PLEKHA6: variants seen among roughly 807,000 people sequenced by gnomAD.
PLEKHA6 encodes pleckstrin homology domain-containing family A member 6.
PLEKHA6 carries 60 observed loss-of-function variants against 116.7 expected under a neutral mutation model. That is an observed-to-expected ratio of 0.51 (90% CI 0.42 to 0.64). The LOEUF is 0.64. PLEKHA6 is among the 30% of genes least tolerant of loss of function. PLEKHA6 has a pLI of 0.00. For missense variants in PLEKHA6, 1,338 were observed against 1,422.7 expected (o/e 0.94, Z 0.96); for synonymous variants, 489 against 556.1 (o/e 0.88, Z 1.70).
rs1571932262 is a variant in PLEKHA6, at chr1:204,259,441, T to C, written c.824A>G (p.His275Arg). The change falls in exon 8 of 23, where the codon CAC (histidine) becomes CGC (arginine). Residue 275 changes from histidine (H) to arginine (R), a missense_variant. By Grantham distance (29) the His-to-Arg change is conservative (BLOSUM62 0). Around this residue, in one of 3 missense-constraint regions of PLEKHA6, gnomAD observed 1,136 missense variants for 1,163.6 expected, o/e 0.98. Transcript: ENST00000272203. This position sits in a 1 kb window ranked among gnomAD's most constrained non-coding sequence, Gnocchi z 4.6. Reference sequence around the variant, plus strand: ...TGTGCTCCCTGGCCGGCTTGGGGAGTGGTACTGCCAGCCATTGGGCTGGGC... The same window carrying C: ...TGTGCTCCCTGGCCGGCTTGGGGAGCGGTACTGCCAGCCATTGGGCTGGGC... ...QPAQPNGWQY[H>R]SPSRPGSTAF... is the part of the protein sequence containing the mutation. 2 of 1,614,010 alleles carry C rather than the reference T, an allele frequency of 1.2e-6. No individual in the cohort carries two copies. Among genetic ancestry groups the C allele is most frequent in the East Asian group, 2.2e-5 (1 of 44,870 alleles).
At position 204,248,947 on chromosome 1, in the gene PLEKHA6, C is replaced by T. The variant is rs780612780; in HGVS notation, c.1698G>A (p.Met566Ile). ...AEKESLESAL[M>I]GTHQELEMFG... Reference sequence around the variant, plus strand: ...ACATCTCCAGCTCCTGGTGGGTCCCCATCAAGGCACTTTCCAGGCTCTCCT... The same window carrying T: ...ACATCTCCAGCTCCTGGTGGGTCCCTATCAAGGCACTTTCCAGGCTCTCCT... Residue 566 changes from methionine (M) to isoleucine (I), a missense_variant, in exon 12 of 23, where the codon ATG becomes ATA. By Grantham distance (10) the Met-to-Ile change is conservative. Transcript: ENST00000272203. 17 of 1,614,088 alleles carry T rather than the reference C, an allele frequency of 1.1e-5. No individual in the cohort carries two copies. Among genetic ancestry groups the T allele is most frequent in the Non-Finnish European group, 1.4e-5 (17 of 1,180,004 alleles).
chr1:204,333,181 T>C (rs945357075), intron 1 of PLEKHA6, among the ~76,000 whole-genome samples: 2 of 151,764 alleles, frequency 1.3e-5, no homozygotes, highest in Non-Finnish European at 2.9e-5. Flanking sequence ...GTGAACAGAG[T>C]GAGGAAGAAG....
At chr1:204,339,264 G>A (rs899705257) in intron 1 of PLEKHA6, among the ~76,000 whole-genome samples, 7 of 152,170 alleles carry the variant, frequency 4.6e-5, no homozygotes, top group African/African-American at 4.8e-5. Context: ...GGATGGCCAC[G>A]GCCGGAAATG....
At chr1:204,254,160 C>T (rs1218593763) in intron 9 of PLEKHA6, among the ~76,000 whole-genome samples, 1 of 152,224 alleles carries the variant, frequency 6.6e-6, no homozygotes, top group Non-Finnish European at 1.5e-5. Context: ...TCAGCAGGAT[C>T]CTGGACCTCC....
At chr1:204,230,273 G>T (rs73073730) in intron 18 of PLEKHA6, 140 bp downstream of exon 18, 2 of 596,188 alleles carry the variant, frequency 3.4e-6, no homozygotes, top group Non-Finnish European at 5.7e-6. Flanking sequence ...AGGACTCTCC[G>T]GCTCTCCCAG....
At chr1:204,340,348 A>G (rs1406701973) in intron 1 of PLEKHA6, among the ~76,000 whole-genome samples, 2 of 152,222 alleles carry the variant, frequency 1.3e-5, no homozygotes, top group African/African-American at 4.8e-5. Flanking sequence ...CCTGCAATTA[A>G]CGGCTGTCTG....
intron 1 of PLEKHA6, among the ~76,000 whole-genome samples, chr1:204,343,797 A>G (rs1672932068): frequency 6.6e-6 from 1 of 152,184 alleles, no homozygotes; most frequent in African/African-American, 2.4e-5. Context: ...CACCTGCTAT[A>G]TGGGAGAAAA....
chr1:204,310,800 C>T (rs550468462), intron 1 of PLEKHA6, among the ~76,000 whole-genome samples: 2 of 152,270 alleles, frequency 1.3e-5, no homozygotes, highest in South Asian at 2.1e-4. Flanking sequence ...AGACATGCAG[C>T]AGGGAGAGTA....
intron 1 of PLEKHA6, among the ~76,000 whole-genome samples, chr1:204,323,081 T>C (rs1672121491): frequency 6.6e-6 from 1 of 152,258 alleles, no homozygotes; most frequent in African/African-American, 2.4e-5. Flanking sequence ...AAACATTTGC[T>C]AAGGGTCTAC....
chr1:204,376,031 C>T (rs985427903), intron 1 of PLEKHA6, among the ~76,000 whole-genome samples: 2 of 151,934 alleles, frequency 1.3e-5, no homozygotes, highest in South Asian at 4.2e-4. Flanking sequence ...CATGCAAATG[C>T]CTCAAGAATG....
intron 1 of PLEKHA6, among the ~76,000 whole-genome samples, chr1:204,343,608 TG>T (rs1284395556): frequency 6.6e-6 from 1 of 152,302 alleles, no homozygotes; most frequent in African/African-American, 2.4e-5. Flanking sequence ...ATGGCCAGGA[TG>T]TTGAACTGGT....
chr1:204,319,813 A>G (rs1437768601), intron 1 of PLEKHA6, among the ~76,000 whole-genome samples: 2 of 152,116 alleles, frequency 1.3e-5, no homozygotes, highest in African/African-American at 4.8e-5. Context: ...CAGAAGGGAG[A>G]CATACAGAGG....
intron 1 of PLEKHA6, among the ~76,000 whole-genome samples, chr1:204,355,987 AC>A (rs1266950799): frequency 1.4e-5 from 1 of 71,966 alleles, no homozygotes; most frequent in African/African-American, 4.8e-5. Flanking sequence ...ACACACACAC[AC>A]ACACACACAC....
At chr1:204,334,460 T>C (rs1454736187) in intron 1 of PLEKHA6, among the ~76,000 whole-genome samples, 1 of 152,244 alleles carries the variant, frequency 6.6e-6, no homozygotes, top group East Asian at 1.9e-4. Context: ...CTTTTTCTAT[T>C]TGATAAATAA....
intron 1 of PLEKHA6, among the ~76,000 whole-genome samples, chr1:204,302,947 G>T (rs1670960760): frequency 1.3e-5 from 2 of 152,166 alleles, no homozygotes; most frequent in South Asian, 4.1e-4. Flanking sequence ...CCAACCCTAG[G>T]TGGAGCCATC....
At chr1:204,333,351 G>A (rs564670745) in intron 1 of PLEKHA6, among the ~76,000 whole-genome samples, 1 of 152,320 alleles carries the variant, frequency 6.6e-6, no homozygotes, top group African/African-American at 2.4e-5. Context: ...TACTCTACTG[G>A]GGAGGAAGCT....
rs532365269 is a variant in PLEKHA6 at position 204,330,267 on chromosome 1, G to A, written c.-95+29427C>T. Reference sequence around the variant, plus strand: ...GCCCGCCTTGACCTCCCCAAGTGCCGGGATTACAAGCATGAGCCACTGCAC... The same window carrying A: ...GCCCGCCTTGACCTCCCCAAGTGCCAGGATTACAAGCATGAGCCACTGCAC... On this transcript the variant is annotated intron_variant, in intron 1 of 22. Coordinates refer to ENST00000272203, the MANE Select transcript of PLEKHA6 (RefSeq NM_014935.5). 3.0e-4 allele frequency among the ~76,000 whole-genome samples: 45 copies of A among 152,280 alleles called. 1 individual carries two copies. The highest frequency in any genetic ancestry group is 1.1e-3 in the African/African-American group (44 of 41,558).
At chr1:204,356,000 C>CAA (rs199652785) in intron 1 of PLEKHA6, among the ~76,000 whole-genome samples, 478 of 47,734 alleles carry the variant, frequency 0.01, 7 homozygotes, top group Non-Finnish European at 0.023. Context: ...CACACACACA[C>CAA]AAAAAAAATC....
chr1:204,220,913 G>A lies in PLEKHA6; in HGVS notation c.*1875C>T, dbSNP rs994844683. ...TTACTTTAAAAAAAAAAAAAGAGAC[G>A]GACAAAGTGGCAGGCATGGAAGGCC... On this transcript the variant is annotated 3_prime_UTR_variant, in exon 23 of 23. Coordinates refer to ENST00000272203, the MANE Select transcript of PLEKHA6 (RefSeq NM_014935.5). 7 of 151,868 alleles carry A rather than the reference G, an allele frequency of 4.6e-5. No homozygotes were observed. The highest frequency in any genetic ancestry group is 7.4e-5 in the Non-Finnish European group (5 of 67,918). The allele number at this position is 151,868 out of a possible 1,614,324, so 9.4% of individuals were successfully genotyped here. A position where few individuals can be genotyped will look rare whatever the true frequency, so the allele number is the denominator to read the frequency against.
Sources: allele counts gnomAD v4.1 joint callset (sites outside exome capture counted in the v4.1 genomes callset), GRCh38; gene constraint gnomAD v4.1.1; regional missense constraint gnomAD v4.1.1; non-coding constraint Gnocchi (gnomAD v3.1); transcripts MANE v1.5; gene names NCBI Gene and HGNC (gene_info 2026-07-23, HGNC 2026-07-21).